PIGU: variants seen among roughly 807,000 people sequenced by gnomAD.
PIGU encodes the protein phosphatidylinositol glycan anchor biosynthesis class U.
A neutral mutation model predicts 49.9 loss-of-function variants in PIGU; 24 were observed. The ratio of observed to expected loss-of-function variants is 0.48; its 90% CI spans 0.35 to 0.68. The LOEUF is 0.68. Ranked by LOEUF, PIGU falls within the 30% of genes least tolerant of loss-of-function variation. PIGU has a pLI of 0.01. For synonymous variants in PIGU, 220 were observed against 205.7 expected (o/e 1.07, Z -0.59); for missense variants, 490 against 532.6 (o/e 0.92, Z 0.79).
intron 6 of PIGU, among the ~76,000 whole-genome samples, chr20:34,618,510 G>T (rs541459541): frequency 5.3e-5 from 8 of 152,260 alleles, no homozygotes; most frequent in African/African-American, 1.9e-4. Flanking sequence ...GGCGGGGCAT[G>T]GTGGTTCACA....
At chr20:34,590,098 A>G (rs1189567928) in intron 7 of PIGU, among the ~76,000 whole-genome samples, 2 of 151,674 alleles carry the variant, frequency 1.3e-5, no homozygotes, top group Non-Finnish European at 2.9e-5. Flanking sequence ...TTTTCCTCAA[A>G]AAAAAAAAAA....
intron 11 of PIGU, among the ~76,000 whole-genome samples, chr20:34,563,623 A>T (rs775120712): frequency 5.0e-5 from 5 of 99,824 alleles, no homozygotes; most frequent in Non-Finnish European, 8.9e-5. Flanking sequence ...CAATACATCA[A>T]TGGGGGGGGG....
intron 1 of PIGU, among the ~76,000 whole-genome samples, chr20:34,666,094 G>A (rs936056074): frequency 7.9e-5 from 12 of 152,082 alleles, no homozygotes; most frequent in Non-Finnish European, 1.2e-4. Flanking sequence ...GCTGAGACAG[G>A]AGAACTGCTT....
At chr20:34,581,738 T>A in intron 9 of PIGU, 66 bp from the exon 10 acceptor site, 2 of 1,563,306 alleles carry the variant, frequency 1.3e-6, no homozygotes, top group Admixed American at 3.6e-5. Context: ...TAGAGACTCC[T>A]GACTCCATCC....
intron 7 of PIGU, among the ~76,000 whole-genome samples, chr20:34,594,294 G>A (rs1235551071): frequency 6.6e-6 from 1 of 152,180 alleles, no homozygotes; most frequent in African/African-American, 2.4e-5. Context: ...GTTACTCGCT[G>A]AAACATTACT....
At chr20:34,609,774 C>T (rs1271593237) in intron 7 of PIGU, among the ~76,000 whole-genome samples, 1 of 152,110 alleles carries the variant, frequency 6.6e-6, no homozygotes, top group African/African-American at 2.4e-5. Context: ...GGCTGTGTCC[C>T]CATTCAAATC....
At chr20:34,662,745 A>G (rs1986967830) in intron 1 of PIGU, among the ~76,000 whole-genome samples, 1 of 152,194 alleles carries the variant, frequency 6.6e-6, no homozygotes, top group South Asian at 2.1e-4. Flanking sequence ...GAGAGAATGA[A>G]CATGTACTCA....
At chr20:34,616,248 G>C in intron 6 of PIGU, 109 bp from the exon 7 acceptor site, 1 of 1,201,350 alleles carries the variant, frequency 8.3e-7, no homozygotes, top group Non-Finnish European at 1.1e-6. Context: ...ATAATCACCT[G>C]CCAAGTGCCT....
chr20:34,647,853 A>G (rs1986408526), intron 2 of PIGU, among the ~76,000 whole-genome samples: 1 of 152,178 alleles, frequency 6.6e-6, no homozygotes, highest in Non-Finnish European at 1.5e-5. Context: ...ATCATTCTAT[A>G]TATGACATGT....
intron 7 of PIGU, among the ~76,000 whole-genome samples, chr20:34,609,985 C>T (rs1022944740): frequency 5.3e-5 from 8 of 152,232 alleles, no homozygotes; most frequent in African/African-American, 9.6e-5. Flanking sequence ...TGAAGGTGGA[C>T]GTGTTTGCTT....
intron 11 of PIGU, among the ~76,000 whole-genome samples, chr20:34,570,910 C>A (rs151164610): frequency 1.3e-3 from 199 of 152,218 alleles, no homozygotes; most frequent in African/African-American, 4.6e-3. Flanking sequence ...AAACTGCTTC[C>A]TTTGGTTCAT....
chr20:34,570,821 C>G (rs528546478), intron 11 of PIGU, among the ~76,000 whole-genome samples: 6 of 152,270 alleles, frequency 3.9e-5, no homozygotes, highest in Admixed American at 1.3e-4. Flanking sequence ...TAAACAAGTT[C>G]CTTTTTGTTT....
At chr20:34,605,786 G>T (rs1307230922) in intron 7 of PIGU, among the ~76,000 whole-genome samples, 1 of 152,076 alleles carries the variant, frequency 6.6e-6, no homozygotes, top group African/African-American at 2.4e-5. Flanking sequence ...TATATGTCTA[G>T]ATTAAATATT....
intron 1 of PIGU, 41 bp downstream of exon 1, chr20:34,676,915 G>A: frequency 6.4e-7 from 1 of 1,554,692 alleles, no homozygotes; most frequent in East Asian, 2.4e-5. Flanking sequence ...CCGCGGGAGG[G>A]CAGGTGGGGC....
At chr20:34,671,254 T>C (rs1389198265) in intron 1 of PIGU, among the ~76,000 whole-genome samples, 1 of 152,060 alleles carries the variant, frequency 6.6e-6, no homozygotes, top group Non-Finnish European at 1.5e-5. Context: ...ATTGTTAATT[T>C]CTTTCTTTTC....
chr20:34,660,804 T>C (rs1301691963), intron 1 of PIGU, among the ~76,000 whole-genome samples: 1 of 152,130 alleles, frequency 6.6e-6, no homozygotes, highest in African/African-American at 2.4e-5. Flanking sequence ...AACAACTAAG[T>C]GCAAAGTGGA....
Position 34,655,819 on chromosome 20 carries a change from C to T in PIGU, c.195+1361G>A, listed in dbSNP as rs372661875. Among the ~76,000 whole-genome samples the T allele has an allele frequency of 8.7e-4, 106 of 121,488 alleles. 14 individuals are homozygous for T. The South Asian group carries it at 0.024, about 28-fold the overall frequency. The allele number at this position is 121,488 out of a possible 152,430, so 79.7% of individuals were successfully genotyped here. Reference sequence around the variant, plus strand: ...GAACATTCAAAGGTGCCGAGCAAGACGGTGACAGAAACAGATTCACATTTT... The same window carrying T: ...GAACATTCAAAGGTGCCGAGCAAGATGGTGACAGAAACAGATTCACATTTT... On this transcript the variant is annotated intron_variant, in intron 2 of 11. Coordinates refer to ENST00000217446, the MANE Select transcript of PIGU (RefSeq NM_080476.5).
intron 1 of PIGU, among the ~76,000 whole-genome samples, chr20:34,674,960 A>G (rs1460216622): frequency 6.6e-6 from 1 of 150,994 alleles, no homozygotes; most frequent in African/African-American, 2.4e-5. Context: ...AAAAAAAAAA[A>G]AAAAGAGGCC....
chr20:34,660,456 G>A (rs1189316750), intron 1 of PIGU, among the ~76,000 whole-genome samples: 7 of 152,136 alleles, frequency 4.6e-5, no homozygotes, highest in Admixed American at 2.0e-4. Context: ...ATGGTGGCGC[G>A]CACCTGTAAT....
Sources: allele counts gnomAD v4.1 joint callset (sites outside exome capture counted in the v4.1 genomes callset), GRCh38; gene constraint gnomAD v4.1.1; transcripts MANE v1.5; gene names NCBI Gene and HGNC (gene_info 2026-07-23, HGNC 2026-07-21).